MTARC2: variants seen among roughly 807,000 people sequenced by gnomAD.
MTARC2 encodes the protein mitochondrial amidoxime reducing component 2.
Under a neutral mutation model 35.6 loss-of-function variants are expected in MTARC2, and 27 were observed. The ratio of observed to expected loss-of-function variants is 0.76; its 90% CI spans 0.56 to 1.04. The LOEUF is 1.04. MTARC2 is among the 50% of genes least tolerant of loss of function. The pLI is 0.00. For missense variants in MTARC2, 412 were observed against 432.5 expected (o/e 0.95, Z 0.42); for synonymous variants, 158 against 167.1 (o/e 0.95, Z 0.42).
At chr1:220,783,759 C>T (rs1163876644) in intron 7 of MTARC2, among the ~76,000 whole-genome samples, 160 bp from the exon 8 acceptor site, 1 of 152,204 alleles carries the variant, frequency 6.6e-6, no homozygotes, top group Non-Finnish European at 1.5e-5. Context: ...GGCCTGGGAG[C>T]TGATGTGAGT....
At chr1:220,762,802 C>T in intron 3 of MTARC2, 108 bp from the exon 4 acceptor site, 1 of 1,185,994 alleles carries the variant, frequency 8.4e-7, no homozygotes, top group South Asian at 1.4e-5. Context: ...ACACTGCTCC[C>T]CTCTTCTGCA....
Position 220,754,750 on chromosome 1 carries a change from C to T in MTARC2, c.273-197C>T, listed in dbSNP as rs72472374. On this transcript the variant is annotated intron_variant, in intron 1 of 7. Coordinates refer to ENST00000366913, the MANE Select transcript of MTARC2 (RefSeq NM_017898.5). ...CCAGACACTCTCCCAGAACTGTTTC[C>T]GCCAAATAAGCTCTTTCTGGGGTCA... Among the ~76,000 whole-genome samples, 324 of 152,310 alleles carry T rather than the reference C, an allele frequency of 2.1e-3. 1 individual carries two copies. The highest frequency in any genetic ancestry group is 5.6e-3 in the South Asian group (27 of 4,828).
intron 1 of MTARC2, 44 bp downstream of exon 1, chr1:220,748,847 G>A (rs1442225556): frequency 2.0e-6 from 3 of 1,509,260 alleles, no homozygotes; most frequent in Non-Finnish European, 2.6e-6. Context: ...GCCTGCCTGG[G>A]ATGAGGAGCG....
Position 220,750,163 on chromosome 1 carries a change from A to T in MTARC2, c.272+1360A>T, listed in dbSNP as rs919660068. Among the ~76,000 whole-genome samples, 6 of 152,330 alleles carry T rather than the reference A, an allele frequency of 3.9e-5. No homozygotes were observed. The East Asian group carries it at 1.2e-3, about 29-fold the overall frequency. On this transcript the variant is annotated intron_variant, in intron 1 of 7. Coordinates refer to ENST00000366913, the MANE Select transcript of MTARC2 (RefSeq NM_017898.5). ...TTTGATGCTATAATTAAAGGATTTT[A>T]TCCGAGACCATGAAGAAGAAGAGGA...
At chr1:220,764,886 G>A (rs365398) in intron 4 of MTARC2, among the ~76,000 whole-genome samples, 53,584 of 152,044 alleles carry the variant, frequency 0.35, 11,852 homozygotes, top group East Asian at 0.75. Context: ...GCCTTTGTTA[G>A]TTTTTAAAAT....
At chr1:220,774,217 C>A (rs533995699) in intron 4 of MTARC2, among the ~76,000 whole-genome samples, 95 of 152,196 alleles carry the variant, frequency 6.2e-4, no homozygotes, top group Admixed American at 3.1e-3. Flanking sequence ...CAGGCACACA[C>A]CACCACACCT....
intron 6 of MTARC2, among the ~76,000 whole-genome samples, 173 bp downstream of exon 6, chr1:220,780,412 C>T (rs969664558): frequency 3.3e-5 from 5 of 151,838 alleles, no homozygotes; most frequent in Non-Finnish European, 7.4e-5. Context: ...ACTGTTGCTT[C>T]CTCTCTTTTT....
At chr1:220,780,887 T>C (rs1294906383) in intron 6 of MTARC2, among the ~76,000 whole-genome samples, 1 of 152,080 alleles carries the variant, frequency 6.6e-6, no homozygotes, top group Non-Finnish European at 1.5e-5. Context: ...CAAATTCCTT[T>C]ATTAGAATCA....
chr1:220,760,842 A>T (rs141414652), intron 2 of MTARC2, among the ~76,000 whole-genome samples: 1 of 152,350 alleles, frequency 6.6e-6, no homozygotes, highest in East Asian at 1.9e-4. Flanking sequence ...TTCATGAATA[A>T]AAAGAGGAAT....
intron 1 of MTARC2, among the ~76,000 whole-genome samples, chr1:220,752,435 A>G (rs190249607): frequency 1.8e-3 from 277 of 152,316 alleles, no homozygotes; most frequent in African/African-American, 6.4e-3. Context: ...CCTGTGAGGC[A>G]TCTAAGTCAG....
In MTARC2 at chr1:220,755,004, C is replaced by T. The variant is rs929806827; in HGVS notation, c.330C>T (p.Arg110=). The T allele has an allele frequency of 1.1e-5, 18 of 1,612,638 alleles. No homozygotes were observed. Among genetic ancestry groups the T allele is most frequent in the African/African-American group, 4.0e-5 (3 of 74,806 alleles). ...GHMVTARQEP[R]LVLISIIYEN... The stretch of plus-strand genomic sequence containing the variant: ...TGGTCACTGCCCGACAGGAGCCTCG[C>T]CTCGTGCTCATCTCCATCATTTATG... The change falls in exon 2 of 8, where the codon CGC becomes CGT. Residue 110 remains arginine, a synonymous_variant. Transcript: ENST00000366913.
chr1:220,779,985 C>G (rs550150746), intron 4 of MTARC2, 33 bp from the exon 5 acceptor site: 1 of 1,485,638 alleles, frequency 6.7e-7, no homozygotes, highest in African/African-American at 1.4e-5. Flanking sequence ...AATGAAGCCA[C>G]CATTTAAAAG....
chr1:220,779,617 G>A (rs767424622), intron 4 of MTARC2, among the ~76,000 whole-genome samples: 1 of 152,202 alleles, frequency 6.6e-6, no homozygotes, highest in African/African-American at 2.4e-5. Context: ...CTTGGGTGAT[G>A]TCCCCACTCT....
chr1:220,779,094 G>A (rs1421540157), intron 4 of MTARC2, among the ~76,000 whole-genome samples: 1 of 151,890 alleles, frequency 6.6e-6, no homozygotes, highest in African/African-American at 2.4e-5. Context: ...TTAATTACTA[G>A]GCCCAGCCAA....
At chr1:220,766,886 G>A (rs538238010) in intron 4 of MTARC2, among the ~76,000 whole-genome samples, 3 of 141,374 alleles carry the variant, frequency 2.1e-5, no homozygotes, top group Non-Finnish European at 4.5e-5. Context: ...GGCTAGGCAT[G>A]TCCTAGAACT....
chr1:220,756,728 T>C (rs908015810), intron 2 of MTARC2, among the ~76,000 whole-genome samples: 4 of 152,208 alleles, frequency 2.6e-5, no homozygotes, highest in African/African-American at 9.7e-5. Flanking sequence ...TGTTGCCCTG[T>C]AGACTCACTG....
intron 1 of MTARC2, among the ~76,000 whole-genome samples, chr1:220,752,966 A>G (rs2994530): frequency 0.34 from 51,281 of 150,446 alleles, 10,995 homozygotes; most frequent in East Asian, 0.69. Flanking sequence ...TGTAATCCCA[A>G]CACTTTGGGA....
In MTARC2 at chr1:220,754,315, G is replaced by A. The variant is rs1373439082; in HGVS notation, c.273-632G>A. On this transcript the variant is annotated intron_variant, in intron 1 of 7. Transcript: ENST00000366913. The stretch of plus-strand genomic sequence containing the variant: ...GTACAGTGGGCTCTCTAGGAAATAA[G>A]TGGGATTCTTATCTAACATGTGACT... 2.2e-5 allele frequency: 10 copies of A among 456,170 alleles called. No homozygotes were observed. In the East Asian group the frequency reaches 6.9e-4, roughly 32 times the overall value. 28.3% of individuals were successfully genotyped at this position (456,170 alleles called of 1,614,324 possible).
intron 4 of MTARC2, among the ~76,000 whole-genome samples, chr1:220,770,857 C>T (rs1056010728): frequency 3.9e-5 from 6 of 152,226 alleles, no homozygotes; most frequent in Admixed American, 3.3e-4. Flanking sequence ...AACACACAGA[C>T]GGCGTCAGCC....
Sources: gnomAD v4.1 joint callset for allele counts (sites outside exome capture counted in the v4.1 genomes callset) on GRCh38, gnomAD v4.1.1 for gene constraint, MANE v1.5 for transcripts, NCBI Gene and HGNC (gene_info 2026-07-23, HGNC 2026-07-21) for gene names.